ADAM23: variants seen among roughly 807,000 people sequenced by gnomAD.
ADAM23 encodes the protein ADAM metallopeptidase domain 23, also known as disintegrin and metalloproteinase domain-containing protein 23.
Under a neutral mutation model 120.1 loss-of-function variants are expected in ADAM23, and 33 were observed. That is an observed-to-expected ratio of 0.27 (90% confidence interval 0.21 to 0.37). The LOEUF (loss-of-function observed/expected upper bound fraction) is 0.37, where lower values mean the gene tolerates loss of function less well. Among genes scored for constraint, ADAM23 ranks in the 10% least tolerant of loss-of-function variants. The pLI is 1.00. For missense variants in ADAM23, 862 were observed against 1,058.2 expected, an observed-to-expected ratio of 0.81 and a Z score of 2.57; for synonymous variants, 367 against 375.2, an observed-to-expected ratio of 0.98 and a Z score of 0.25.
intron 24 of ADAM23, among the ~76,000 whole-genome samples, chr2:206,598,269 G>A (rs575442528): frequency 2.6e-5 from 4 of 152,016 alleles, no homozygotes; most frequent in East Asian, 3.9e-4. Flanking sequence ...ATGCCTCAAC[G>A]GATGAGCAGA....
chr2:206,462,347 C>A (rs943157845), intron 2 of ADAM23, among the ~76,000 whole-genome samples: 1 of 152,164 alleles, frequency 6.6e-6, no homozygotes, highest in Non-Finnish European at 1.5e-5. Context: ...AAGGCTGTTA[C>A]ATTTCTGTTT....
chr2:206,481,218 T>G lies in ADAM23; in HGVS notation c.433-14T>G. On this transcript the variant is annotated splice_polypyrimidine_tract_variant and intron_variant, in intron 2 of 25. Coordinates refer to ENST00000264377, the MANE Select transcript of ADAM23 (RefSeq NM_003812.4). ...AAAGTAAGTTAAGGTTCTTCTGTCTTTTTGAATCCATAGGCTGTCCATCTG... is the reference window on the plus strand; with the variant it reads ...AAAGTAAGTTAAGGTTCTTCTGTCTGTTTGAATCCATAGGCTGTCCATCTG... The G allele has an allele frequency of 6.3e-7, 1 of 1,593,838 alleles. No homozygotes were observed. The highest frequency in any genetic ancestry group is 8.5e-7 in the Non-Finnish European group (1 of 1,173,788).
intron 6 of ADAM23, 30 bp downstream of exon 6, chr2:206,543,346 C>G: frequency 6.4e-7 from 1 of 1,569,256 alleles, no homozygotes. Context: ...TGCCTGATGG[C>G]GTTCTACTCC....
intron 2 of ADAM23, among the ~76,000 whole-genome samples, chr2:206,459,964 T>C (rs1048703008): frequency 3.3e-5 from 5 of 152,202 alleles, no homozygotes; most frequent in African/African-American, 1.2e-4. Flanking sequence ...CTTCTTCTCT[T>C]CTCCCTGATT....
intron 8 of ADAM23, 53 bp from the exon 9 acceptor site, chr2:206,550,042 A>G (rs2105813424): frequency 1.7e-6 from 2 of 1,161,438 alleles, no homozygotes; most frequent in Non-Finnish European, 1.3e-6. Flanking sequence ...AGTGAGCACT[A>G]GAGAGATTTT....
intron 3 of ADAM23, among the ~76,000 whole-genome samples, chr2:206,492,379 C>G (rs1414360690): frequency 1.3e-5 from 2 of 152,132 alleles, no homozygotes; most frequent in Non-Finnish European, 2.9e-5. Flanking sequence ...TGAACAGAAC[C>G]ACACAGCTAG....
chr2:206,470,050 T>C (rs1334505420), intron 2 of ADAM23, among the ~76,000 whole-genome samples: 2 of 152,150 alleles, frequency 1.3e-5, no homozygotes, highest in Non-Finnish European at 2.9e-5. Context: ...TTACTTTATA[T>C]TGTTGGTTGT....
At chr2:206,540,374 A>G (rs1004724491) in intron 4 of ADAM23, among the ~76,000 whole-genome samples, 7 of 152,086 alleles carry the variant, frequency 4.6e-5, no homozygotes, top group African/African-American at 1.2e-4. Context: ...GACTTTCCAT[A>G]TATGTGGTTT....
chr2:206,615,308 G>A (rs1000029130), intron 25 of ADAM23, among the ~76,000 whole-genome samples: 3 of 152,188 alleles, frequency 2.0e-5, no homozygotes, highest in African/African-American at 7.2e-5. Flanking sequence ...TACCTTACAG[G>A]TTATGAGAAA....
chr2:206,545,595 A>T (rs1283981990), intron 6 of ADAM23, among the ~76,000 whole-genome samples: 1 of 152,212 alleles, frequency 6.6e-6, no homozygotes, highest in East Asian at 1.9e-4. Context: ...ATGGCGATGT[A>T]TGTATGAATA....
chr2:206,525,178 A>G (rs1696918359), intron 3 of ADAM23, among the ~76,000 whole-genome samples: 1 of 152,110 alleles, frequency 6.6e-6, no homozygotes, highest in Non-Finnish European at 1.5e-5. Context: ...GGTGCTTGCT[A>G]CTATTCATCT....
chr2:206,453,974 C>T (rs1695245360), intron 2 of ADAM23, among the ~76,000 whole-genome samples: 1 of 152,230 alleles, frequency 6.6e-6, no homozygotes, highest in African/African-American at 2.4e-5. Flanking sequence ...TAAGTGTTCT[C>T]TAAGCCTTTT....
In ADAM23 at chr2:206,443,717, C is replaced by T. The variant is rs1261912232; in HGVS notation, c.-150C>T. On this transcript the variant is annotated 5_prime_UTR_variant, in exon 1 of 26. Transcript: ENST00000264377. ...AAAGGGGGCGCCGCCCAGCCCCGAG[C>T]CCCGCGCCCCGTGCCCCGAGCCCGG... 2 of 218,024 alleles carry T rather than the reference C, an allele frequency of 9.2e-6. No homozygotes were observed. The highest frequency in any genetic ancestry group is 2.4e-5 in the African/African-American group (1 of 42,232). The allele number at this position is 218,024 out of a possible 1,614,324, so 13.5% of individuals were successfully genotyped here.
chr2:206,472,066 C>A (rs1254312935), intron 2 of ADAM23, among the ~76,000 whole-genome samples: 1 of 152,118 alleles, frequency 6.6e-6, no homozygotes, highest in Non-Finnish European at 1.5e-5. Context: ...TATACATGTC[C>A]AAGGATGCTT....
intron 18 of ADAM23, among the ~76,000 whole-genome samples, chr2:206,581,299 T>G (rs1698214949): frequency 1.3e-5 from 2 of 152,220 alleles, no homozygotes; most frequent in African/African-American, 4.8e-5. Context: ...GTCTAGTTCC[T>G]TGAGGTATGA....
intron 13 of ADAM23, among the ~76,000 whole-genome samples, chr2:206,563,952 G>A (rs759798076): frequency 1.3e-5 from 2 of 151,792 alleles, no homozygotes; most frequent in Admixed American, 6.6e-5. Flanking sequence ...GTATGGTCTC[G>A]ATCTCCTGAC....
rs921201279 is a variant in ADAM23 at position 206,445,314 on chromosome 2, T to C, written c.222T>C (p.His74=). The C allele has an allele frequency of 1.3e-6, 2 of 1,577,496 alleles. No homozygotes were observed. Among genetic ancestry groups the C allele is most frequent in the African/African-American group, 1.4e-5 (1 of 73,612 alleles). The change falls in exon 2 of 26, where the codon CAT becomes CAC. Residue 74 remains histidine (H), a synonymous_variant. Transcript: ENST00000264377. ...CCCCCCTACCTCCACCAGCTCCGCA[T>C]TGGAATGAAACTGCAGAAAAAAATT... ...AWGAAAPSAP[H]WNETAEKNLG...
chr2:206,496,369 A>G (rs1314227180), intron 3 of ADAM23, among the ~76,000 whole-genome samples: 5 of 152,222 alleles, frequency 3.3e-5, no homozygotes, highest in Non-Finnish European at 5.9e-5. Flanking sequence ...GCTCAACTAC[A>G]TGGAAACTGA....
intron 15 of ADAM23, 58 bp downstream of exon 15, chr2:206,567,380 G>A (rs1422589567): frequency 2.1e-6 from 3 of 1,398,136 alleles, no homozygotes; most frequent in Non-Finnish European, 2.0e-6. Context: ...GTTTTACAGT[G>A]CAACAGTGCT....
Sources: gnomAD v4.1 joint callset for allele counts (sites outside exome capture counted in the v4.1 genomes callset) on GRCh38, gnomAD v4.1.1 for gene constraint, MANE v1.5 for transcripts, NCBI Gene and HGNC (gene_info 2026-07-23, HGNC 2026-07-21) for gene names.